WAPL: variants seen among roughly 807,000 people sequenced by gnomAD.
The protein encoded by WAPL is WAPL cohesin release factor.
In WAPL, 5 loss-of-function variants were observed where a neutral mutation model predicts 121.0. That is an observed-to-expected ratio of 0.04 (90% confidence interval 0.02 to 0.09). The LOEUF (loss-of-function observed/expected upper bound fraction) is 0.09, where lower values mean the gene tolerates loss of function less well. WAPL is among the 10% of genes least tolerant of loss of function. The pLI is 1.00. For synonymous variants in WAPL, 480 were observed against 481.5 expected, an observed-to-expected ratio of 1.00 and a Z score of 0.04; for missense variants, 999 against 1,410.8, an observed-to-expected ratio of 0.71 and a Z score of 4.68.
Position 86,499,767 on chromosome 10 carries a change from T to A in WAPL, c.1476A>T (p.Pro492=). 1 of 1,602,348 alleles carries A rather than the reference T, an allele frequency of 6.2e-7. No individual in the cohort carries two copies. Among genetic ancestry groups the A allele is most frequent in the Non-Finnish European group, 8.5e-7 (1 of 1,176,630 alleles). ...TAPSPSLQPP[P]ESNDNSQDSQ... ...TGTCCTGGGAATTATCATTGCTTTCTGGGGGAGGCTGCAAGGAGGGTGATG... is the reference window on the plus strand; with the variant it reads ...TGTCCTGGGAATTATCATTGCTTTCAGGGGGAGGCTGCAAGGAGGGTGATG... The change falls in exon 3 of 19, where the codon CCA becomes CCT. Residue 492 remains proline, a synonymous_variant. Transcript: ENST00000298767.
intron 15 of WAPL, among the ~76,000 whole-genome samples, chr10:86,447,769 C>T (rs1196918765): frequency 1.3e-5 from 2 of 152,086 alleles, no homozygotes; most frequent in Admixed American, 6.6e-5. Context: ...TATGGCCTGG[C>T]CATGCAGGGT....
chr10:86,489,704 T>A (rs1300834803), intron 4 of WAPL, among the ~76,000 whole-genome samples: 1 of 151,994 alleles, frequency 6.6e-6, no homozygotes, highest in Non-Finnish European at 1.5e-5. Context: ...ATATCAATAG[T>A]GCTCAGGCTG....
At chr10:86,517,076 G>A (rs1386101807) in intron 2 of WAPL, among the ~76,000 whole-genome samples, 5 of 152,056 alleles carry the variant, frequency 3.3e-5, no homozygotes, top group Admixed American at 6.6e-5. Context: ...AATACAAGTT[G>A]ATACTGGCCC....
At chr10:86,454,505 G>A (rs1021805767) in intron 12 of WAPL, among the ~76,000 whole-genome samples, 2 of 152,324 alleles carry the variant, frequency 1.3e-5, no homozygotes, top group Admixed American at 6.5e-5. Context: ...AGCCTGCCTA[G>A]TGCCTGGGAC....
At chr10:86,454,498 CT>C (rs1361948088) in intron 12 of WAPL, among the ~76,000 whole-genome samples, 2 of 152,364 alleles carry the variant, frequency 1.3e-5, no homozygotes, top group Non-Finnish European at 2.9e-5. Context: ...CTGCCTCAGC[CT>C]GCCTAGTGCC....
intron 2 of WAPL, 70 bp from the exon 3 acceptor site, chr10:86,500,813 T>TG (rs1340982742): frequency 7.2e-6 from 9 of 1,249,602 alleles, no homozygotes; most frequent in Non-Finnish European, 8.7e-6. Flanking sequence ...AACATATATG[T>TG]GGTTAATCAA....
rs916708847 is a variant in WAPL, at chr10:86,503,424, C to G, written c.500-2681G>C. The stretch of plus-strand genomic sequence containing the variant: ...GGAAGAAAACTGCCATTACATGAAA[C>G]CTGCCTTTAAATATCTGAATGGCTG... On this transcript the variant is annotated intron_variant, in intron 2 of 18. Transcript: ENST00000298767. Among the ~76,000 whole-genome samples the G allele has an allele frequency of 9.2e-5, 14 of 152,042 alleles. No individual in the cohort carries two copies. In the East Asian group the frequency reaches 2.5e-3, roughly 27 times the overall value.
chr10:86,461,414 T>G, intron 9 of WAPL, 127 bp from the exon 10 acceptor site: 1 of 669,014 alleles, frequency 1.5e-6, no homozygotes, highest in Middle Eastern at 2.9e-4. Flanking sequence ...AAAATTGAAC[T>G]AATTTTCAAT....
chr10:86,452,975 G>A (rs1841026630), intron 14 of WAPL, among the ~76,000 whole-genome samples: 1 of 112,512 alleles, frequency 8.9e-6, no homozygotes, highest in Non-Finnish European at 1.7e-5. Flanking sequence ...GGAGGCGGAG[G>A]TTGCAGTGAG....
intron 1 of WAPL, among the ~76,000 whole-genome samples, chr10:86,520,331 C>A (rs932546057): frequency 6.6e-6 from 1 of 152,064 alleles, no homozygotes; most frequent in African/African-American, 2.4e-5. Context: ...TAATTTTGTG[C>A]CAAAAGACCA....
At chr10:86,518,403 T>C (rs552460592) in intron 1 of WAPL, among the ~76,000 whole-genome samples, 1 of 152,358 alleles carries the variant, frequency 6.6e-6, no homozygotes, top group South Asian at 2.1e-4. Context: ...AAGTTCCAAA[T>C]GAATTAATTT....
At chr10:86,515,551 G>A (rs913549472) in intron 2 of WAPL, among the ~76,000 whole-genome samples, 1 of 152,096 alleles carries the variant, frequency 6.6e-6, no homozygotes, top group Non-Finnish European at 1.5e-5. Flanking sequence ...GGGAGGCCTA[G>A]ATAGGCAGAT....
Position 86,499,722 on chromosome 10 carries a change from A to G in WAPL, c.1521T>C (p.Asn507=). The G allele has an allele frequency of 6.4e-7, 1 of 1,557,292 alleles. No individual in the cohort carries two copies. The highest frequency in any genetic ancestry group is 8.6e-7 in the Non-Finnish European group (1 of 1,158,978). ...NSQDSQSGTN[N]AENLDFTEDL... Reference sequence around the variant, plus strand: ...ACATATTTTTTAAATTCTTACCTGCATTGTTAGTACCAGACTGACTGTCCT... The same window carrying G: ...ACATATTTTTTAAATTCTTACCTGCGTTGTTAGTACCAGACTGACTGTCCT... The change falls in exon 3 of 19, where the codon AAT becomes AAC. Residue 507 remains asparagine (N), a synonymous_variant. Coordinates refer to ENST00000298767, the MANE Select transcript of WAPL (RefSeq NM_015045.5).
intron 4 of WAPL, among the ~76,000 whole-genome samples, chr10:86,483,631 C>CTGAT (rs1457234927): frequency 6.6e-6 from 1 of 151,898 alleles, no homozygotes; most frequent in African/African-American, 2.4e-5. Flanking sequence ...AGAAGGCTGG[C>CTGAT]ATCATAGGAG....
At chr10:86,459,119 ATG>A in intron 11 of WAPL, 54 bp from the exon 12 acceptor site, 1 of 1,374,748 alleles carries the variant, frequency 7.3e-7, no homozygotes, top group Non-Finnish European at 1.0e-6. Flanking sequence ...TCATTCATTC[ATG>A]TAACACCACA....
At chr10:86,458,312 C>T (rs966927761) in intron 12 of WAPL, among the ~76,000 whole-genome samples, 34 of 152,248 alleles carry the variant, frequency 2.2e-4, no homozygotes, top group African/African-American at 7.7e-4. Context: ...AGAACCAGGA[C>T]TGGAGACATA....
intron 17 of WAPL, 120 bp from the exon 18 acceptor site, chr10:86,438,135 T>C: frequency 3.2e-6 from 2 of 629,432 alleles, no homozygotes; most frequent in Non-Finnish European, 5.6e-6. Flanking sequence ...TTGGAACACG[T>C]GGTTATTTAT....
intron 11 of WAPL, 63 bp from the exon 12 acceptor site, chr10:86,459,128 C>G: frequency 7.7e-7 from 1 of 1,291,428 alleles, no homozygotes; most frequent in Non-Finnish European, 1.1e-6. Flanking sequence ...CATGTAACAC[C>G]ACATTCTGCC....
At position 86,437,448 on chromosome 10, in the gene WAPL, T is replaced by C. The variant is rs961156954; in HGVS notation, c.*95A>G. 5 of 1,296,220 alleles carry C rather than the reference T, an allele frequency of 3.9e-6. No homozygotes were observed. The African/African-American group carries it at 4.5e-5, about 12-fold the overall frequency. The allele number at this position is 1,296,220 out of a possible 1,614,324, so 80.3% of individuals were successfully genotyped here. A position where few individuals can be genotyped will look rare whatever the true frequency, so the allele number is the denominator to read the frequency against. ...ACACGAATGATACTGATGAATGTTCTTGGTATATCTTCAAGGACTTCTTTC... is the reference window on the plus strand; with the variant it reads ...ACACGAATGATACTGATGAATGTTCCTGGTATATCTTCAAGGACTTCTTTC... On this transcript the variant is annotated 3_prime_UTR_variant, in exon 19 of 19. Transcript: ENST00000298767.
Sources: allele counts gnomAD v4.1 joint callset (sites outside exome capture counted in the v4.1 genomes callset), GRCh38; gene constraint gnomAD v4.1.1; transcripts MANE v1.5; gene names NCBI Gene and HGNC (gene_info 2026-07-23, HGNC 2026-07-21).